The following RASGRF2 variants were observed in gnomAD, a reference collection of about 807,000 sequenced individuals.
RASGRF2 encodes ras-specific guanine nucleotide-releasing factor 2.
A neutral mutation model predicts 151.0 loss-of-function variants in RASGRF2; 76 were observed. That is an observed-to-expected ratio of 0.50 (90% CI 0.42 to 0.61). The LOEUF is 0.61. Ranked by LOEUF, RASGRF2 falls within the 20% of genes least tolerant of loss-of-function variation. The pLI, the probability that RASGRF2 is intolerant of heterozygous loss-of-function variation, is 0.00. For missense variants in RASGRF2, 1,148 were observed against 1,564.6 expected (o/e 0.73, Z 4.49); for synonymous variants, 504 against 566.5 (o/e 0.89, Z 1.57).
intron 2 of RASGRF2, among the ~76,000 whole-genome samples, chr5:81,056,792 C>A (rs1561581810): frequency 6.6e-6 from 1 of 152,106 alleles, no homozygotes; most frequent in African/African-American, 2.4e-5. Context: ...TAAGGAGTTG[C>A]TTTATGAATC....
chr5:81,037,134 G>A (rs1193309286), intron 1 of RASGRF2, among the ~76,000 whole-genome samples: 1 of 152,172 alleles, frequency 6.6e-6, no homozygotes. Flanking sequence ...CATGAGAACA[G>A]TATGGGAGAA....
At chr5:81,019,366 T>A (rs1749751928) in intron 1 of RASGRF2, 1 of 152,216 alleles carries the variant, frequency 6.6e-6, no homozygotes, top group Admixed American at 6.5e-5. Flanking sequence ...AGTAGTCCCC[T>A]GTGCGTTGAG....
At chr5:81,126,991 G>A in intron 16 of RASGRF2, 83 bp from the exon 17 acceptor site, 1 of 1,465,762 alleles carries the variant, frequency 6.8e-7, no homozygotes, top group South Asian at 1.2e-5. Context: ...TTCATCTGGT[G>A]CAGGAAGAAA....
chr5:81,159,169 A>G (rs777329045), intron 17 of RASGRF2, among the ~76,000 whole-genome samples: 7 of 152,260 alleles, frequency 4.6e-5, no homozygotes, highest in Non-Finnish European at 8.8e-5. Context: ...ATGTTCTGCA[A>G]TAAAAAGGAA....
chr5:81,210,736 G>A (rs1228814403), intron 22 of RASGRF2, among the ~76,000 whole-genome samples: 1 of 152,152 alleles, frequency 6.6e-6, no homozygotes, highest in Non-Finnish European at 1.5e-5. Context: ...CAAGAGCACA[G>A]CCCATCTGTC....
intron 1 of RASGRF2, among the ~76,000 whole-genome samples, chr5:80,968,420 A>C (rs937114836): frequency 6.6e-6 from 1 of 152,116 alleles, no homozygotes; most frequent in Non-Finnish European, 1.5e-5. Flanking sequence ...ACTTGTAAAT[A>C]AGGAACTTTT....
At chr5:81,033,370 A>C (rs1750339210) in intron 1 of RASGRF2, among the ~76,000 whole-genome samples, 1 of 138,718 alleles carries the variant, frequency 7.2e-6, no homozygotes, top group African/African-American at 2.7e-5. Context: ...ACAAAGCTGG[A>C]GGCATCACGC....
chr5:81,188,106 C>T (rs547724588), intron 18 of RASGRF2, among the ~76,000 whole-genome samples: 29 of 152,306 alleles, frequency 1.9e-4, no homozygotes, highest in South Asian at 1.5e-3. Context: ...CCTCTCCTGA[C>T]GGCTCCTGGC....
At chr5:80,996,507 C>CTTA (rs1748873641) in intron 1 of RASGRF2, among the ~76,000 whole-genome samples, 1 of 65,514 alleles carries the variant, frequency 1.5e-5, no homozygotes, top group Non-Finnish European at 2.9e-5. Context: ...TCTTCTTCCT[C>CTTA]CTCCTCCTCC....
At chr5:81,021,061 G>A (rs916183213) in intron 1 of RASGRF2, among the ~76,000 whole-genome samples, 10 of 152,224 alleles carry the variant, frequency 6.6e-5, no homozygotes, top group Non-Finnish European at 1.3e-4. Context: ...CTTCTTTGGG[G>A]AGTGATATGT....
chr5:81,081,381 G>A (rs527415834), intron 7 of RASGRF2, among the ~76,000 whole-genome samples: 23 of 152,292 alleles, frequency 1.5e-4, no homozygotes, highest in African/African-American at 5.1e-4. Context: ...TCAGGTGGCC[G>A]CAGGGGCTCC....
Position 81,139,906 on chromosome 5 carries a change from C to T in RASGRF2, c.2686+12743C>T, listed in dbSNP as rs535604459. Among the ~76,000 whole-genome samples the T allele has an allele frequency of 6.6e-5, 10 of 152,268 alleles. No individual in the cohort carries two copies. The South Asian group carries it at 2.1e-3, about 32-fold the overall frequency. On this transcript the variant is annotated intron_variant, in intron 17 of 26. Transcript: ENST00000265080. ...ACAGTGACACAATCATGGCTCACTGCAGCCTTGAACTCCTGGGCTCAGGTG... is the reference window on the plus strand; with the variant it reads ...ACAGTGACACAATCATGGCTCACTGTAGCCTTGAACTCCTGGGCTCAGGTG...
intron 19 of RASGRF2, among the ~76,000 whole-genome samples, chr5:81,204,955 G>A (rs1201553570): frequency 6.6e-6 from 1 of 152,112 alleles, no homozygotes; most frequent in Non-Finnish European, 1.5e-5. Flanking sequence ...TTTCCCACTG[G>A]TACACATAAT....
Position 81,077,241 on chromosome 5 carries a change from T to C in RASGRF2, c.888-2880T>C, listed in dbSNP as rs534665054. On this transcript the variant is annotated intron_variant, in intron 5 of 26. Coordinates refer to ENST00000265080, the MANE Select transcript of RASGRF2 (RefSeq NM_006909.3). ...GCTTGAAATTGAGACAGGGAAGGGA[T>C]GCAGCTATTGACAATGACAAGGTCT... 5.9e-5 allele frequency among the ~76,000 whole-genome samples: 9 copies of C among 152,186 alleles called. No homozygotes were observed. In the South Asian group the frequency reaches 1.9e-3, roughly 32 times the overall value.
chr5:81,108,056 T>C lies in RASGRF2; in HGVS notation c.1756-940T>C, dbSNP rs1162233172. 2.0e-5 allele frequency among the ~76,000 whole-genome samples: 3 copies of C among 152,240 alleles called. No homozygotes were observed. The East Asian group carries it at 5.8e-4, about 29-fold the overall frequency. The stretch of plus-strand genomic sequence containing the variant: ...ATTCACTCTTTTATTAGAACATTGG[T>C]GTTTAGGGTAGACCCTGAGTTCAGG... On this transcript the variant is annotated intron_variant, in intron 12 of 26. Coordinates refer to ENST00000265080, the MANE Select transcript of RASGRF2 (RefSeq NM_006909.3).
At chr5:81,164,810 A>G (rs748624854) in intron 17 of RASGRF2, among the ~76,000 whole-genome samples, 1 of 152,210 alleles carries the variant, frequency 6.6e-6, no homozygotes, top group South Asian at 2.1e-4. Context: ...AAATTCCTCT[A>G]TAGGAGTTAG....
chr5:81,082,253 G>A (rs1269411399), intron 7 of RASGRF2, among the ~76,000 whole-genome samples: 1 of 152,130 alleles, frequency 6.6e-6, no homozygotes, highest in Non-Finnish European at 1.5e-5. Flanking sequence ...TGGCAGAGCT[G>A]TACTTTCGCT....
chr5:81,225,053 C>T (rs1390368665), intron 26 of RASGRF2, among the ~76,000 whole-genome samples: 1 of 152,188 alleles, frequency 6.6e-6, no homozygotes, highest in Non-Finnish European at 1.5e-5. Flanking sequence ...GAAAATCCCC[C>T]ATGCCCCAAC....
At chr5:81,101,379 T>C (rs1752693117) in intron 12 of RASGRF2, among the ~76,000 whole-genome samples, 1 of 152,138 alleles carries the variant, frequency 6.6e-6, no homozygotes, top group African/African-American at 2.4e-5. Context: ...CAGAACTCTT[T>C]CTTCATTGCA....
Sources: gnomAD v4.1 joint callset for allele counts (sites outside exome capture counted in the v4.1 genomes callset) on GRCh38, gnomAD v4.1.1 for gene constraint, MANE v1.5 for transcripts, NCBI Gene and HGNC (gene_info 2026-07-23, HGNC 2026-07-21) for gene names.